Variants in UNC80 observed in about 807,000 individuals in gnomAD.
UNC80 encodes unc-80 subunit of NALCN channel complex.
UNC80 carries 164 observed loss-of-function variants against 384.6 expected under a neutral mutation model. The ratio of observed to expected loss-of-function variants is 0.43; its 90% CI spans 0.38 to 0.49. UNC80 has a LOEUF of 0.49. Ranked by LOEUF, UNC80 falls within the 20% of genes least tolerant of loss-of-function variation. UNC80 has a pLI of 0.00. For missense variants in UNC80, 3,330 were observed against 4,143.0 expected (o/e 0.80, Z 5.39); for synonymous variants, 1,486 against 1,527.8 (o/e 0.97, Z 0.64).
At position 209,772,089 on chromosome 2, in the gene UNC80, G is replaced by A. The variant is rs1229732102; in HGVS notation, c.17G>A (p.Ser6Asn). 1.3e-6 allele frequency: 2 copies of A among 1,549,628 alleles called. No homozygotes were observed. Among genetic ancestry groups the A allele is most frequent in the Non-Finnish European group, 8.7e-7 (1 of 1,146,370 alleles). The change falls in exon 1 of 65, where the codon AGC (serine) becomes AAC (asparagine). Residue 6 changes from serine to asparagine, a missense_variant. Physicochemically the swap from Ser to Asn is conservative, Grantham distance 46. Coordinates refer to ENST00000673920, the MANE Select transcript of UNC80 (RefSeq NM_001371986.1). ...GCCACCATTATGGTGAAGAGGAAGAGCTCCGAGGGCCAGGAGCAGGACGGC... is the reference window on the plus strand; with the variant it reads ...GCCACCATTATGGTGAAGAGGAAGAACTCCGAGGGCCAGGAGCAGGACGGC... MVKRKSSEGQEQDGGR... is the reference protein window; with the variant it reads MVKRKNSEGQEQDGGR...
At chr2:209,783,594 G>C (rs928161529) in intron 4 of UNC80, among the ~76,000 whole-genome samples, 2 of 152,112 alleles carry the variant, frequency 1.3e-5, no homozygotes, top group Admixed American at 1.3e-4. Context: ...AATCTACTTG[G>C]AGATGTATTT....
At chr2:209,814,922 A>G (rs1026891695) in intron 8 of UNC80, among the ~76,000 whole-genome samples, 3 of 152,150 alleles carry the variant, frequency 2.0e-5, no homozygotes, top group African/African-American at 7.2e-5. Context: ...CTAAGTGGAT[A>G]TCTGCTTTAC....
intron 39 of UNC80, among the ~76,000 whole-genome samples, 196 bp downstream of exon 39, chr2:209,934,201 C>G (rs1395777496): frequency 1.3e-5 from 2 of 152,108 alleles, no homozygotes; most frequent in Non-Finnish European, 2.9e-5. Flanking sequence ...CGGTTGCCAG[C>G]TGAAAAGGGA....
chr2:209,858,965 T>G (rs995171365), intron 22 of UNC80, among the ~76,000 whole-genome samples: 3 of 152,192 alleles, frequency 2.0e-5, no homozygotes, highest in African/African-American at 7.2e-5. Flanking sequence ...TTTTAAAAGT[T>G]ATTTTCCTTT....
At chr2:209,796,497 G>T (rs978108745) in intron 7 of UNC80, 3 of 152,222 alleles carry the variant, frequency 2.0e-5, no homozygotes, top group African/African-American at 7.2e-5. Flanking sequence ...GGCGCAAGGG[G>T]TGGAATGATA....
intron 6 of UNC80, among the ~76,000 whole-genome samples, chr2:209,791,403 C>A (rs1367515560): frequency 6.6e-6 from 1 of 152,086 alleles, no homozygotes; most frequent in Non-Finnish European, 1.5e-5. Context: ...CTTGGCACCA[C>A]CTTTGTTAAG....
intron 47 of UNC80, among the ~76,000 whole-genome samples, chr2:209,953,443 GATTTAT>G (rs2092282299): frequency 8.7e-6 from 1 of 115,112 alleles, no homozygotes; most frequent in Non-Finnish European, 1.8e-5. Flanking sequence ...AAAAAAAAAA[GATTTAT>G]GTTGGTGGTG....
intron 28 of UNC80, among the ~76,000 whole-genome samples, chr2:209,903,466 A>ATATATATAGTATATATGTAATATATATAT (rs1225400516): frequency 0.012 from 257 of 21,308 alleles, 16 homozygotes; most frequent in Middle Eastern, 0.042. Flanking sequence ...TATATACATT[A>ATATATATAGTATATATGTAATATATATAT]TATATATAGT....
intron 44 of UNC80, among the ~76,000 whole-genome samples, 166 bp downstream of exon 44, chr2:209,941,655 C>T (rs2091641325): frequency 6.6e-6 from 1 of 152,188 alleles, no homozygotes; most frequent in African/African-American, 2.4e-5. Context: ...CAAGAGTTCA[C>T]AATGTTCCTT....
chr2:209,817,696 T>G (rs2079841088), intron 10 of UNC80, 116 bp from the exon 11 acceptor site: 2 of 1,298,364 alleles, frequency 1.5e-6, no homozygotes, highest in Non-Finnish European at 2.1e-6. Context: ...TGTCTGTGTT[T>G]CACACTTTTC....
chr2:209,808,015 C>T (rs1162721613), intron 7 of UNC80, among the ~76,000 whole-genome samples: 2 of 152,090 alleles, frequency 1.3e-5, no homozygotes, highest in Non-Finnish European at 2.9e-5. Flanking sequence ...ACATAAGATA[C>T]GGATATGTTT....
chr2:209,794,523 T>C (rs553203272), intron 7 of UNC80, among the ~76,000 whole-genome samples: 18 of 152,204 alleles, frequency 1.2e-4, no homozygotes, highest in African/African-American at 2.4e-4. Context: ...ACTAGTTTTA[T>C]TGAGGTGTAA....
chr2:209,793,022 T>C (rs2077922134), intron 6 of UNC80, among the ~76,000 whole-genome samples: 1 of 152,226 alleles, frequency 6.6e-6, no homozygotes, highest in Admixed American at 6.5e-5. Context: ...TAATGCCTTA[T>C]TTTGTGTGTA....
chr2:209,832,522 G>A (rs188123416), intron 16 of UNC80, among the ~76,000 whole-genome samples: 4 of 152,242 alleles, frequency 2.6e-5, no homozygotes, highest in Non-Finnish European at 5.9e-5. Flanking sequence ...ATCAGCTAAT[G>A]TACTCAAATC....
Position 209,815,277 on chromosome 2 carries a change from C to T in UNC80, c.1221C>T (p.Asn407=), listed in dbSNP as rs200884661. ...HKTQDLTMKC[N]EEEKSLSSEA... ...TTAAGGATCTCACCATGAAGTGTAA[C>T]GAGGAGGAAAAATCTCTTAGCTCTG... Residue 407 remains asparagine (N), a synonymous_variant, in exon 9 of 65, where the codon AAC becomes AAT. Coordinates refer to ENST00000673920, the MANE Select transcript of UNC80 (RefSeq NM_001371986.1). 416 of 1,551,438 alleles carry T rather than the reference C, an allele frequency of 2.7e-4. No individual in the cohort carries two copies. The highest frequency in any genetic ancestry group is 5.0e-4 in the South Asian group (42 of 84,058).
intron 1 of UNC80, among the ~76,000 whole-genome samples, chr2:209,772,501 T>TC (rs2076631848): frequency 6.6e-6 from 1 of 152,054 alleles, no homozygotes; most frequent in African/African-American, 2.4e-5. Context: ...CAATTCCCCC[T>TC]CCATCTCCTG....
Position 209,888,246 on chromosome 2 carries a change from T to G in UNC80, c.4262T>G (p.Val1421Gly). 6.4e-7 allele frequency: 1 copy of G among 1,551,554 alleles called. No homozygotes were observed. ...CACACTCTCAAATCAGATGCAGGAG[T>G]CGAGGAGAAGAAAGGTATGGAAACA... ...SSHTLKSDAG[V>G]EEKKVPSRKI... Residue 1421 changes from valine (V) to glycine (G), a missense_variant, in exon 26 of 65, where the codon GTC becomes GGC. Physicochemically the swap from Val to Gly is moderately radical, Grantham distance 109. Coordinates refer to ENST00000673920, the MANE Select transcript of UNC80 (RefSeq NM_001371986.1).
At chr2:209,922,779 A>G (rs2090140792) in intron 35 of UNC80, among the ~76,000 whole-genome samples, 1 of 151,940 alleles carries the variant, frequency 6.6e-6, no homozygotes, top group Non-Finnish European at 1.5e-5. Flanking sequence ...AGCTGATTTC[A>G]GTGTGTGTCA....
At chr2:209,881,583 G>A (rs187705643) in intron 25 of UNC80, among the ~76,000 whole-genome samples, 69 of 152,106 alleles carry the variant, frequency 4.5e-4, no homozygotes, top group African/African-American at 1.6e-3. Context: ...GCATTTCCTA[G>A]AGATTATGGA....
Sources: allele counts gnomAD v4.1 joint callset (sites outside exome capture counted in the v4.1 genomes callset), GRCh38; gene constraint gnomAD v4.1.1; transcripts MANE v1.5; gene names NCBI Gene and HGNC (gene_info 2026-07-23, HGNC 2026-07-21).